TANC2: variants seen among roughly 807,000 people sequenced by gnomAD.
TANC2 encodes tetratricopeptide repeat, ankyrin repeat and coiled-coil containing 2, also known as protein TANC2.
A neutral mutation model predicts 210.5 loss-of-function variants in TANC2; 26 were observed. The observed-to-expected ratio is 0.12, with a 90% confidence interval of 0.09 to 0.17. The LOEUF (loss-of-function observed/expected upper bound fraction) is 0.17, where lower values mean the gene tolerates loss of function less well. TANC2 is among the 10% of genes least tolerant of loss of function. The pLI is 1.00. For synonymous variants in TANC2, 931 were observed against 967.1 expected (o/e 0.96, Z 0.69); for missense variants, 2,129 against 2,608.9 (o/e 0.82, Z 4.01).
intron 11 of TANC2, among the ~76,000 whole-genome samples, chr17:63,324,764 T>C (rs2146664434): frequency 6.6e-6 from 1 of 152,308 alleles, no homozygotes; most frequent in African/African-American, 2.4e-5. Context: ...TTCTATGTTG[T>C]TTTTATTTTC....
chr17:63,324,634 A>G (rs2045590254), intron 11 of TANC2, among the ~76,000 whole-genome samples: 2 of 152,192 alleles, frequency 1.3e-5, no homozygotes, highest in South Asian at 4.1e-4. Context: ...ATGTTTTATA[A>G]AATTTGTCTA....
chr17:63,052,640 G>T (rs1023048382), intron 2 of TANC2, among the ~76,000 whole-genome samples: 5 of 152,132 alleles, frequency 3.3e-5, no homozygotes, highest in Admixed American at 2.0e-4. Flanking sequence ...TATATCCTAT[G>T]GTTTATTCCC....
At chr17:62,995,076 C>T (rs1271544480) in intron 1 of TANC2, among the ~76,000 whole-genome samples, 1 of 152,198 alleles carries the variant, frequency 6.6e-6, no homozygotes, top group Non-Finnish European at 1.5e-5. Flanking sequence ...TTCATTATTA[C>T]GTCACTTTTA....
intron 7 of TANC2, among the ~76,000 whole-genome samples, chr17:63,230,391 A>T (rs2042444284): frequency 6.6e-6 from 1 of 151,944 alleles, no homozygotes; most frequent in African/African-American, 2.4e-5. Context: ...TCGATTTGAG[A>T]TCTTTCTAGC....
intron 5 of TANC2, among the ~76,000 whole-genome samples, chr17:63,159,007 C>T (rs951485515): frequency 6.6e-6 from 1 of 152,178 alleles, no homozygotes. Context: ...GTGGGCGTCT[C>T]CGTAGGGCAG....
At chr17:63,175,414 C>G (rs1011258629) in intron 5 of TANC2, among the ~76,000 whole-genome samples, 1 of 151,356 alleles carries the variant, frequency 6.6e-6, no homozygotes, top group Admixed American at 6.6e-5. Flanking sequence ...GTAGTCTCAG[C>G]TATTCAAGAG....
At chr17:63,289,129 G>T (rs2044309745) in intron 9 of TANC2, among the ~76,000 whole-genome samples, 1 of 152,048 alleles carries the variant, frequency 6.6e-6, no homozygotes, top group African/African-American at 2.4e-5. Context: ...CTTTATCGTA[G>T]TTTCAAAATG....
At chr17:63,415,224 GTCAGCC>G (rs2048821224) in intron 25 of TANC2, among the ~76,000 whole-genome samples, 1 of 152,240 alleles carries the variant, frequency 6.6e-6, no homozygotes, top group Admixed American at 6.5e-5. Flanking sequence ...AATGAGCATG[GTCAGCC>G]TCTTTGGAAT....
At chr17:63,240,157 G>A (rs1025086263) in intron 8 of TANC2, among the ~76,000 whole-genome samples, 4 of 152,170 alleles carry the variant, frequency 2.6e-5, no homozygotes, top group African/African-American at 7.2e-5. Context: ...ATCCTTGCTC[G>A]TATATAAATA....
At position 63,420,544 on chromosome 17, in the gene TANC2, T is replaced by C. The variant is rs750373872; in HGVS notation, c.4814T>C (p.Val1605Ala). 8.1e-6 allele frequency: 13 copies of C among 1,613,784 alleles called. No homozygotes were observed. In the East Asian group the frequency reaches 2.9e-4, roughly 36 times the overall value. Residue 1605 changes from valine (V) to alanine (A), a missense_variant, in exon 28 of 28, where the codon GTG becomes GCG. Coordinates refer to ENST00000689528, the Ensembl canonical transcript of TANC2. This position sits in a 1 kb window ranked among gnomAD's most constrained non-coding sequence, Gnocchi z 4.2. ...TCTTACCGTTTCAGCCCCCCTCCTG[T>C]GGGAGGACAGGGCAAAGAATACCCA...
At chr17:63,386,528 G>T (rs1265219032) in intron 15 of TANC2, among the ~76,000 whole-genome samples, 1 of 151,984 alleles carries the variant, frequency 6.6e-6, no homozygotes, top group Non-Finnish European at 1.5e-5. Flanking sequence ...CTGAAGTGAG[G>T]TGATGGGTAC....
chr17:63,254,802 T>C (rs1020025301), intron 8 of TANC2, among the ~76,000 whole-genome samples: 1 of 152,226 alleles, frequency 6.6e-6, no homozygotes, highest in Non-Finnish European at 1.5e-5. Context: ...TGTTGAACCA[T>C]CCTTGCATCC....
chr17:63,268,479 A>G (rs1486855474), intron 9 of TANC2, among the ~76,000 whole-genome samples: 2 of 152,240 alleles, frequency 1.3e-5, no homozygotes, highest in South Asian at 2.1e-4. Flanking sequence ...CCCAAGTCCT[A>G]TCACCAAGAT....
chr17:62,995,493 G>C (rs888368326), intron 1 of TANC2, among the ~76,000 whole-genome samples: 4 of 152,242 alleles, frequency 2.6e-5, no homozygotes, highest in African/African-American at 9.6e-5. Flanking sequence ...CACTGGGTCA[G>C]CTAGCTCCCA....
chr17:63,365,207 G>A (rs2047074552), intron 14 of TANC2, among the ~76,000 whole-genome samples: 1 of 152,130 alleles, frequency 6.6e-6, no homozygotes, highest in South Asian at 2.1e-4. Flanking sequence ...AATTCACTCG[G>A]CCATCTCTAG....
chr17:63,256,141 C>G (rs2043188560), intron 8 of TANC2, among the ~76,000 whole-genome samples: 1 of 151,988 alleles, frequency 6.6e-6, no homozygotes, highest in African/African-American at 2.4e-5. Flanking sequence ...CTCCTGACCT[C>G]AAGTGATCCA....
At chr17:63,328,712 TAGGA>T (rs1184129102) in intron 11 of TANC2, among the ~76,000 whole-genome samples, 1 of 151,472 alleles carries the variant, frequency 6.6e-6, no homozygotes, top group Non-Finnish European at 1.5e-5. Flanking sequence ...TTCAGATAGA[TAGGA>T]AGAATAAGTT....
intron 1 of TANC2, among the ~76,000 whole-genome samples, chr17:62,993,916 C>T (rs928683597): frequency 2.0e-5 from 3 of 152,026 alleles, no homozygotes; most frequent in African/African-American, 4.8e-5. Context: ...TGAGTGAGAG[C>T]CTGTCTCAAA....
intron 17 of TANC2, chr17:63,390,730 G>A (rs74531156): frequency 0.025 from 3,819 of 152,256 alleles, 64 homozygotes; most frequent in Middle Eastern, 0.044. Context: ...CTCCCAAAGC[G>A]CTAGGATTAC....
Sources: gnomAD v4.1 joint callset for allele counts (sites outside exome capture counted in the v4.1 genomes callset) on GRCh38, gnomAD v4.1.1 for gene constraint, Gnocchi (gnomAD v3.1) non-coding constraint, MANE v1.5 for transcripts, NCBI Gene and HGNC (gene_info 2026-07-23, HGNC 2026-07-21) for gene names.